MLLT10: variants seen among roughly 807,000 people sequenced by gnomAD.
The protein encoded by MLLT10 is MLLT10 histone lysine methyltransferase DOT1L cofactor.
MLLT10 carries 30 observed loss-of-function variants against 129.1 expected under a neutral mutation model. That is an observed-to-expected ratio of 0.23 (90% confidence interval 0.17 to 0.32). The LOEUF (loss-of-function observed/expected upper bound fraction) is 0.32, where lower values mean the gene tolerates loss of function less well. Ranked by LOEUF, MLLT10 falls within the 10% of genes least tolerant of loss-of-function variation. The probability of loss-of-function intolerance (pLI) is 1.00; values close to 1 mark genes in which losing one functional copy is unlikely to be tolerated. For missense variants in MLLT10, 1,119 were observed against 1,268.3 expected (o/e 0.88, Z 1.79); for synonymous variants, 490 against 446.4 (o/e 1.10, Z -1.23).
chr10:21,658,765 T>A (rs1237676536), intron 9 of MLLT10, among the ~76,000 whole-genome samples: 1 of 152,078 alleles, frequency 6.6e-6, no homozygotes, highest in African/African-American at 2.4e-5. Context: ...CTTGGGTTAA[T>A]GCATTCTCCT....
At position 21,742,083 on chromosome 10, in the gene MLLT10, G is replaced by A. The variant is rs1833749343; in HGVS notation, c.*100G>A. ...CTACAGCTATGAAGAAACGCAACAA[G>A]AAACTCAATGCACAACAAAGGATTA... On this transcript the variant is annotated 3_prime_UTR_variant, in exon 23 of 23. Coordinates refer to ENST00000307729, the MANE Select transcript of MLLT10 (RefSeq NM_001195626.3). The A allele has an allele frequency of 1.0e-6, 1 of 1,002,884 alleles. No homozygotes were observed. The highest frequency in any genetic ancestry group is 2.4e-5 in the East Asian group (1 of 40,842). The allele number at this position is 1,002,884 out of a possible 1,614,324, so 62.1% of individuals were successfully genotyped here.
intron 2 of MLLT10, among the ~76,000 whole-genome samples, chr10:21,536,174 C>T (rs1217187029): frequency 6.6e-6 from 1 of 152,224 alleles, no homozygotes; most frequent in Non-Finnish European, 1.5e-5. Context: ...TTCCTGACCT[C>T]AGGTGATCCT....
chr10:21,629,847 C>G (rs910082250), intron 8 of MLLT10, among the ~76,000 whole-genome samples: 3 of 152,140 alleles, frequency 2.0e-5, no homozygotes, highest in African/African-American at 7.2e-5. Flanking sequence ...TGTATAGTCC[C>G]AGCTGCTGGA....
At chr10:21,734,309 ATTAAG>A (rs761101505) in intron 20 of MLLT10, among the ~76,000 whole-genome samples, 180 bp downstream of exon 20, 37 of 152,082 alleles carry the variant, frequency 2.4e-4, no homozygotes, top group East Asian at 1.3e-3. Flanking sequence ...TTAGATTAAA[ATTAAG>A]TTACTTTTAG....
intron 8 of MLLT10, among the ~76,000 whole-genome samples, chr10:21,619,873 A>G (rs2045625250): frequency 6.6e-6 from 1 of 151,768 alleles, no homozygotes; most frequent in South Asian, 2.1e-4. Flanking sequence ...ATTGAGTGTT[A>G]TAGACTATCT....
chr10:21,704,828 G>A (rs966091407), intron 13 of MLLT10, among the ~76,000 whole-genome samples: 3 of 152,172 alleles, frequency 2.0e-5, no homozygotes, highest in Non-Finnish European at 2.9e-5. Flanking sequence ...GGCTTAAACA[G>A]TATCAGCAGT....
intron 3 of MLLT10, among the ~76,000 whole-genome samples, chr10:21,569,520 A>G (rs1314282227): frequency 6.7e-6 from 1 of 150,230 alleles, no homozygotes; most frequent in Non-Finnish European, 1.5e-5. Flanking sequence ...TCCTGGGTTC[A>G]AGCGATTCTC....
At chr10:21,726,772 G>C (rs1486717289) in intron 15 of MLLT10, among the ~76,000 whole-genome samples, 1 of 143,384 alleles carries the variant, frequency 7.0e-6, no homozygotes, top group Non-Finnish European at 1.5e-5. Flanking sequence ...TGTCTCCTGT[G>C]ACTTTTGTGA....
At chr10:21,586,213 T>C (rs1307138925) in intron 3 of MLLT10, 81 bp from the exon 4 acceptor site, 2 of 1,056,082 alleles carry the variant, frequency 1.9e-6, no homozygotes, top group Non-Finnish European at 2.8e-6. Flanking sequence ...ACATTTTCAG[T>C]AGTTTTGACG....
chr10:21,662,575 A>G (rs2050320839), intron 9 of MLLT10, among the ~76,000 whole-genome samples: 2 of 152,106 alleles, frequency 1.3e-5, no homozygotes, highest in Admixed American at 1.3e-4. Flanking sequence ...TGCTTTCATT[A>G]TGCATATGTT....
At chr10:21,546,368 C>T (rs867633616) in intron 3 of MLLT10, among the ~76,000 whole-genome samples, 1 of 150,994 alleles carries the variant, frequency 6.6e-6, no homozygotes, top group Admixed American at 6.6e-5. Flanking sequence ...TGTGAGTGAC[C>T]GTATCTGGCC....
chr10:21,582,092 T>C (rs922206832), intron 3 of MLLT10, among the ~76,000 whole-genome samples: 3 of 152,140 alleles, frequency 2.0e-5, no homozygotes, highest in East Asian at 1.9e-4. Context: ...ATATAGCTTT[T>C]CTTATAGTAC....
At chr10:21,627,586 G>C (rs1457204069) in intron 8 of MLLT10, among the ~76,000 whole-genome samples, 2 of 152,106 alleles carry the variant, frequency 1.3e-5, no homozygotes, top group Non-Finnish European at 2.9e-5. Context: ...TCCTATTTCA[G>C]GTTATCTGAG....
At chr10:21,535,660 C>T (rs1039660943) in intron 2 of MLLT10, among the ~76,000 whole-genome samples, 1 of 152,222 alleles carries the variant, frequency 6.6e-6, no homozygotes, top group African/African-American at 2.4e-5. Context: ...CCCCATTTCA[C>T]GTGGTAAGGA....
chr10:21,605,569 C>G (rs1279829426), intron 5 of MLLT10, among the ~76,000 whole-genome samples: 1 of 152,042 alleles, frequency 6.6e-6, no homozygotes, highest in Non-Finnish European at 1.5e-5. Flanking sequence ...CTCAGCCTCG[C>G]AAGCAGCAGG....
intron 20 of MLLT10, 138 bp downstream of exon 20, chr10:21,734,267 C>A: frequency 1.2e-6 from 1 of 869,092 alleles, no homozygotes; most frequent in Non-Finnish European, 1.7e-6. Flanking sequence ...GTATATTATA[C>A]AGAGTACATT....
At chr10:21,646,563 T>TA (rs940651620) in intron 8 of MLLT10, among the ~76,000 whole-genome samples, 8 of 151,844 alleles carry the variant, frequency 5.3e-5, no homozygotes, top group Admixed American at 1.3e-4. Context: ...TACCTTTCTG[T>TA]AAAAAAAATA....
intron 3 of MLLT10, among the ~76,000 whole-genome samples, chr10:21,542,661 T>A (rs755199774): frequency 1.3e-5 from 2 of 152,132 alleles, no homozygotes; most frequent in Non-Finnish European, 2.9e-5. Context: ...GGATCACGCC[T>A]GAGTTGGAGA....
At chr10:21,628,553 C>T (rs991334626) in intron 8 of MLLT10, among the ~76,000 whole-genome samples, 1 of 150,638 alleles carries the variant, frequency 6.6e-6, no homozygotes, top group Admixed American at 6.6e-5. Context: ...GCAGTTCTCC[C>T]GCCTCAGCCT....
Sources: allele counts gnomAD v4.1 joint callset (sites outside exome capture counted in the v4.1 genomes callset), GRCh38; gene constraint gnomAD v4.1.1; transcripts MANE v1.5; gene names NCBI Gene and HGNC (gene_info 2026-07-23, HGNC 2026-07-21).